PLD2: variants seen among roughly 807,000 people sequenced by gnomAD.
The protein encoded by PLD2 is phospholipase D2.
PLD2 carries 101 observed loss-of-function variants against 119.8 expected under a neutral mutation model. The ratio of observed to expected loss-of-function variants is 0.84; its 90% CI spans 0.72 to 0.99. The LOEUF (loss-of-function observed/expected upper bound fraction) is 0.99, where lower values mean the gene tolerates loss of function less well. PLD2 is among the 50% of genes least tolerant of loss of function. PLD2 has a pLI of 0.00. For missense variants in PLD2, 1,164 were observed against 1,226.8 expected (o/e 0.95, Z 0.76); for synonymous variants, 494 against 482.8 (o/e 1.02, Z -0.30).
rs540871961 is a variant in PLD2 at position 4,817,944 on chromosome 17, C to T, written c.1816-58C>T. 603 of 1,223,704 alleles carry T rather than the reference C, an allele frequency of 4.9e-4. 1 individual carries two copies. Among genetic ancestry groups the T allele is most frequent in the Non-Finnish European group, 6.0e-4 (507 of 841,032 alleles). 75.8% of individuals were successfully genotyped at this position (1,223,704 alleles called of 1,614,324 possible). A position where few individuals can be genotyped will look rare whatever the true frequency, so the allele number is the denominator to read the frequency against. On this transcript the variant is annotated intron_variant, in intron 17 of 24. Coordinates refer to ENST00000263088, the MANE Select transcript of PLD2 (RefSeq NM_002663.5). ...CTGCACTCCAGCCTAGGCAACAGAG[C>T]GAGACTCTGTCTTAAAAAAGAAAAG...
chr17:4,818,090 A>T lies in PLD2; in HGVS notation c.1904A>T (p.His635Leu). 2 of 1,612,774 alleles carry T rather than the reference A, an allele frequency of 1.2e-6. No homozygotes were observed. The highest frequency in any genetic ancestry group is 2.2e-5 in the South Asian group (2 of 91,058). Residue 635 changes from histidine (H) to leucine (L), a missense_variant, in exon 18 of 25, where the codon CAC (histidine) becomes CTC (leucine). Physicochemically the swap from His to Leu is moderately conservative, Grantham distance 99. Transcript: ENST00000263088. ...CTGCACACCATCAGGGAGAGCCAGC[A>T]CTTCCTCTACATTGAGGTCTGACTG... ...AYLHTIRESQ[H>L]FLYIENQFFI...
intron 24 of PLD2, 144 bp downstream of exon 24, chr17:4,822,051 T>C (rs1907729925): frequency 1.6e-6 from 1 of 607,906 alleles, no homozygotes; most frequent in Non-Finnish European, 2.9e-6. Context: ...TCAAGAGATT[T>C]AGTGGCCCAG....
chr17:4,821,088 T>C (rs1311297532), intron 23 of PLD2, among the ~76,000 whole-genome samples: 1 of 138,604 alleles, frequency 7.2e-6, no homozygotes, highest in South Asian at 2.4e-4. Context: ...ATTTTTAGTA[T>C]AGATGGGGTT....
chr17:4,814,036 GTTGT>G (rs1202379251), intron 10 of PLD2: 1 of 195,384 alleles, frequency 5.1e-6, no homozygotes, highest in East Asian at 1.7e-4. Flanking sequence ...TTTTAATTTC[GTTGT>G]TTACTAGTGA....
In PLD2 at chr17:4,819,049, C is replaced by T; in HGVS notation, c.2174-35C>T. 1 of 1,611,554 alleles carries T rather than the reference C, an allele frequency of 6.2e-7. No individual in the cohort carries two copies. Among genetic ancestry groups the T allele is most frequent in the South Asian group, 1.1e-5 (1 of 90,670 alleles). ...GGGACAGGGCCCTGTGCACACAGAG[C>T]CACCTCTCACCTCACTTCCCCTCCT... On this transcript the variant is annotated intron_variant, in intron 21 of 24. Transcript: ENST00000263088. This position sits in a 1 kb window ranked among gnomAD's most constrained non-coding sequence, Gnocchi z 4.2.
At chr17:4,809,581 T>C (rs1329819624) in intron 7 of PLD2, 30 bp downstream of exon 7, 1 of 1,607,366 alleles carries the variant, frequency 6.2e-7, no homozygotes, top group Non-Finnish European at 8.5e-7. Context: ...CACCCAGGCA[T>C]CCGTAGACAT....
At chr17:4,818,180 C>T in intron 18 of PLD2, 74 bp downstream of exon 18, 1 of 1,413,302 alleles carries the variant, frequency 7.1e-7, no homozygotes, top group Non-Finnish European at 1.0e-6. Flanking sequence ...TGAGTGGAGT[C>T]AGTCATTGAG....
At position 4,808,730 on chromosome 17, in the gene PLD2, A is replaced by G. The variant is rs535537352; in HGVS notation, c.383+314A>G. Among the ~76,000 whole-genome samples the G allele has an allele frequency of 2.6e-5, 4 of 152,082 alleles. No individual in the cohort carries two copies. The highest frequency in any genetic ancestry group is 9.6e-5 in the African/African-American group (4 of 41,488). On this transcript the variant is annotated intron_variant, in intron 4 of 24. Coordinates refer to ENST00000263088, the MANE Select transcript of PLD2 (RefSeq NM_002663.5). The surrounding 1 kb of genome is among the most constrained non-coding windows in gnomAD (Gnocchi z 4.1). ...TTTGTTTTTTGTTTTTGTTTTGTAC[A>G]AGGTCTCCCTCTGTCACCCAGGCTA...
rs1370318732 is a variant in PLD2 at position 4,819,222 on chromosome 17, A to C, written c.2308+4A>C. The C allele has an allele frequency of 6.2e-7, 1 of 1,613,988 alleles. No individual in the cohort carries two copies. The highest frequency in any genetic ancestry group is 8.5e-7 in the Non-Finnish European group (1 of 1,180,002). On this transcript the variant is annotated splice_donor_region_variant and intron_variant, in intron 22 of 24. Transcript: ENST00000263088. This position sits in a 1 kb window ranked among gnomAD's most constrained non-coding sequence, Gnocchi z 4.2. The stretch of plus-strand genomic sequence containing the variant: ...GATGACCGGACAGTCATCATTGGTC[A>C]GTGCCGGATCTAGTCCTCTGGCAGG...
chr17:4,809,707 A>T lies in PLD2; in HGVS notation c.631A>T (p.Lys211Ter). The T allele has an allele frequency of 6.2e-7, 1 of 1,614,098 alleles. No individual in the cohort carries two copies. Among genetic ancestry groups the T allele is most frequent in the South Asian group, 1.1e-5 (1 of 91,080 alleles). Residue 211 changes from lysine to a stop codon, truncating the protein, a stop_gained, in exon 8 of 25, where the codon AAG becomes TAG. Transcript: ENST00000263088. LOFTEE classifies it high-confidence loss of function. ...GTCCCACAGGGAGGGGATGATCCGG[A>T]AGCGCTCAGGTGGCCACCGTGTTCC... Reference protein sequence around the residue: ...GRKGLEGMIRKRSGGHRVPGL... With the variant: ...GRKGLEGMIR
intron 9 of PLD2, among the ~76,000 whole-genome samples, chr17:4,810,443 G>C (rs759274778): frequency 6.6e-6 from 1 of 152,108 alleles, no homozygotes; most frequent in South Asian, 2.1e-4. Context: ...TCAGGAGTTC[G>C]AGACCAGCCC....
At position 4,809,867 on chromosome 17, in the gene PLD2, T is replaced by C; in HGVS notation, c.708-10T>C. ...GGCAGAGAGGAACACACGGAGCCCT[T>C]CTGCTCTAGGTGGCTGGTGGTGAAG... On this transcript the variant is annotated splice_polypyrimidine_tract_variant and intron_variant, in intron 8 of 24. Transcript: ENST00000263088. 6.2e-7 allele frequency: 1 copy of C among 1,614,162 alleles called. No homozygotes were observed. Among genetic ancestry groups the C allele is most frequent in the Non-Finnish European group, 8.5e-7 (1 of 1,180,032 alleles).
intron 24 of PLD2, among the ~76,000 whole-genome samples, chr17:4,822,149 G>A (rs1907741438): frequency 6.6e-6 from 1 of 152,048 alleles, no homozygotes; most frequent in Non-Finnish European, 1.5e-5. Context: ...TTTGAGATCA[G>A]CCTCCCAACA....
At position 4,822,900 on chromosome 17, in the gene PLD2, G is replaced by A. The variant is rs1172268402; in HGVS notation, c.*36G>A. On this transcript the variant is annotated 3_prime_UTR_variant, in exon 25 of 25. Transcript: ENST00000263088. ...CGTCAGGGAGAGGTCACCAGCTGCT[G>A]TGCCCCACCACGTCTGGCTCCCTGC... is the stretch of plus-strand genomic sequence containing the variant. 5 of 1,211,296 alleles carry A rather than the reference G, an allele frequency of 4.1e-6. No individual in the cohort carries two copies. The highest frequency in any genetic ancestry group is 1.8e-5 in the Admixed American group (1 of 55,926). 75.0% of individuals were successfully genotyped at this position (1,211,296 alleles called of 1,614,324 possible).
Position 4,808,416 on chromosome 17 carries a change from G to C in PLD2, c.383G>C (p.Arg128Pro). The change falls in exon 4 of 25, where the codon CGA becomes CCA. Residue 128 changes from arginine (R) to proline (P), a missense_variant and splice_region_variant. Physicochemically the swap from Arg to Pro is moderately radical, Grantham distance 103. Transcript: ENST00000263088. The surrounding 1 kb of genome is among the most constrained non-coding windows in gnomAD (Gnocchi z 4.1). The part of the protein sequence containing the change: ...KVLMSLLPLA[R>P]FAVAYSPARD... ...TTGATGAGTCTGCTCCCTCTGGCTC[G>C]GTGAGGGCGACCGGACTGCTTCCTG... 6.2e-7 allele frequency: 1 copy of C among 1,613,422 alleles called. No homozygotes were observed. Among genetic ancestry groups the C allele is most frequent in the Non-Finnish European group, 8.5e-7 (1 of 1,179,618 alleles).
intron 17 of PLD2, chr17:4,817,464 C>T (rs961644062): frequency 1.9e-5 from 11 of 568,752 alleles, no homozygotes; most frequent in Non-Finnish European, 3.2e-5. Flanking sequence ...AGATCGAGAC[C>T]ATCCTGGCTA....
chr17:4,811,091 G>C (rs1906417154), intron 10 of PLD2, 140 bp downstream of exon 10: 1 of 795,832 alleles, frequency 1.3e-6, no homozygotes, highest in African/African-American at 1.7e-5. Flanking sequence ...TAATCTTCCT[G>C]ACCTTTGACA....
intron 23 of PLD2, among the ~76,000 whole-genome samples, chr17:4,820,265 TTG>T (rs1444877492): frequency 1.3e-3 from 76 of 56,342 alleles, no homozygotes; most frequent in Middle Eastern, 0.011. Flanking sequence ...ATCTTTTTTG[TTG>T]TTGTTGTTGT....
chr17:4,822,351 G>C (rs982223296), intron 24 of PLD2, among the ~76,000 whole-genome samples: 2 of 151,900 alleles, frequency 1.3e-5, no homozygotes, highest in African/African-American at 2.4e-5. Context: ...AGTTAGCCGG[G>C]CATGGTGGTG....
Sources: allele counts gnomAD v4.1 joint callset (sites outside exome capture counted in the v4.1 genomes callset), GRCh38; gene constraint gnomAD v4.1.1; non-coding constraint Gnocchi (gnomAD v3.1); transcripts MANE v1.5; gene names NCBI Gene and HGNC (gene_info 2026-07-23, HGNC 2026-07-21).